Variants in DPYD observed in about 807,000 individuals in gnomAD.
DPYD encodes dihydropyrimidine dehydrogenase.
A neutral mutation model predicts 116.2 loss-of-function variants in DPYD; 109 were observed. That is an observed-to-expected ratio of 0.94 (90% CI 0.80 to 1.10). The LOEUF (loss-of-function observed/expected upper bound fraction) is 1.10, where lower values mean the gene tolerates loss of function less well. DPYD is among the 50% of genes least tolerant of loss of function. DPYD has a pLI of 0.00. For synonymous variants in DPYD, 440 were observed against 432.0 expected, an observed-to-expected ratio of 1.02 and a Z score of -0.23; for missense variants, 1,302 against 1,254.5, an observed-to-expected ratio of 1.04 and a Z score of -0.57.
intron 20 of DPYD, among the ~76,000 whole-genome samples, chr1:97,191,892 TATG>T (rs1436293204): frequency 1.3e-5 from 2 of 152,188 alleles, no homozygotes; most frequent in African/African-American, 4.8e-5. Context: ...AGAGTCAGTT[TATG>T]ATAATATGAT....
chr1:97,358,622 A>G (rs890518146), intron 16 of DPYD, among the ~76,000 whole-genome samples: 7 of 152,162 alleles, frequency 4.6e-5, no homozygotes, highest in Non-Finnish European at 5.9e-5. Context: ...ATCAGGTCGC[A>G]ATATTTGCTG....
intron 14 of DPYD, among the ~76,000 whole-genome samples, chr1:97,411,828 A>G (rs1674012504): frequency 6.6e-6 from 1 of 152,222 alleles, no homozygotes; most frequent in African/African-American, 2.4e-5. Flanking sequence ...ATAGACGTTA[A>G]ACAGCATAAT....
At chr1:97,607,374 T>C (rs1172479589) in intron 8 of DPYD, among the ~76,000 whole-genome samples, 1 of 151,818 alleles carries the variant, frequency 6.6e-6, no homozygotes, top group East Asian at 1.9e-4. Context: ...TACTGCACTG[T>C]GATTCAGTAT....
intron 3 of DPYD, among the ~76,000 whole-genome samples, chr1:97,749,108 C>T (rs1283639799): frequency 6.6e-6 from 1 of 152,192 alleles, no homozygotes; most frequent in African/African-American, 2.4e-5. Context: ...TATCTCCCTT[C>T]CCTTTCTCAA....
intron 10 of DPYD, among the ~76,000 whole-genome samples, chr1:97,590,184 T>G (rs1654408202): frequency 2.0e-5 from 3 of 152,142 alleles, no homozygotes; most frequent in Admixed American, 6.5e-5. Context: ...TGCCAAAAGT[T>G]CCCAGTCCTT....
At chr1:97,251,391 TAAAAA>T (rs10581072) in intron 18 of DPYD, among the ~76,000 whole-genome samples, 2 of 95,358 alleles carry the variant, frequency 2.1e-5, no homozygotes, top group African/African-American at 4.1e-5. Context: ...AAACTCTGTC[TAAAAA>T]AAAAAAAAAA....
intron 10 of DPYD, among the ~76,000 whole-genome samples, chr1:97,581,839 G>T (rs1463779592): frequency 1.3e-5 from 2 of 151,846 alleles, no homozygotes; most frequent in Non-Finnish European, 2.9e-5. Context: ...CACTGGAAAG[G>T]AATTAGTTAC....
chr1:97,415,299 AT>A (rs1016316314), intron 14 of DPYD, among the ~76,000 whole-genome samples: 4 of 152,256 alleles, frequency 2.6e-5, no homozygotes, highest in Admixed American at 6.5e-5. Flanking sequence ...CTTTTTCACA[AT>A]CTCCAGCCTC....
intron 10 of DPYD, among the ~76,000 whole-genome samples, chr1:97,574,805 T>C (rs964247436): frequency 5.9e-5 from 9 of 152,164 alleles, no homozygotes; most frequent in Non-Finnish European, 1.2e-4. Flanking sequence ...AAAAATGTCC[T>C]ACTGAAGTGT....
intron 8 of DPYD, among the ~76,000 whole-genome samples, chr1:97,664,186 A>G (rs1241649409): frequency 6.6e-6 from 1 of 152,120 alleles, no homozygotes; most frequent in African/African-American, 2.4e-5. Context: ...AATTTATTTT[A>G]TTACTACTTT....
chr1:97,191,972 C>T (rs530963883), intron 20 of DPYD, among the ~76,000 whole-genome samples: 2 of 152,236 alleles, frequency 1.3e-5, no homozygotes, highest in South Asian at 4.1e-4. Context: ...ATTAATGTCA[C>T]AGTCTTTCTG....
At chr1:97,735,591 G>A (rs1369264795) in intron 4 of DPYD, among the ~76,000 whole-genome samples, 2 of 151,110 alleles carry the variant, frequency 1.3e-5, no homozygotes, top group African/African-American at 2.4e-5. Context: ...TGGAGGCTGA[G>A]GCAGGAGAAT....
chr1:97,337,340 A>C (rs556277215), intron 16 of DPYD, among the ~76,000 whole-genome samples: 2 of 152,340 alleles, frequency 1.3e-5, no homozygotes, highest in South Asian at 4.1e-4. Context: ...AGCAGAAACA[A>C]ATATTCCCAG....
intron 19 of DPYD, among the ~76,000 whole-genome samples, chr1:97,233,842 T>A (rs1476309532): frequency 2.0e-5 from 3 of 152,214 alleles, no homozygotes; most frequent in African/African-American, 7.2e-5. Context: ...TTTAGCTGTA[T>A]ACAGTGGGAG....
chr1:97,322,929 G>T (rs1346856772), intron 16 of DPYD: 1 of 151,720 alleles, frequency 6.6e-6, no homozygotes, highest in Non-Finnish European at 1.5e-5. Flanking sequence ...TTGTTTTAAG[G>T]ATTAAAAACT....
At position 97,234,732 on chromosome 1, in the gene DPYD, T is replaced by A. The variant is rs932114652; in HGVS notation, c.2442+120A>T. The A allele has an allele frequency of 6.4e-6, 8 of 1,251,766 alleles. No individual in the cohort carries two copies. In the African/African-American group the frequency reaches 1.2e-4, roughly 19 times the overall value. 77.5% of individuals were successfully genotyped at this position (1,251,766 alleles called of 1,614,324 possible). A position where few individuals can be genotyped will look rare whatever the true frequency, so the allele number is the denominator to read the frequency against. ...AACTTAATACATGCTGCCATTTTGA[T>A]CCCAAATGGCCTCCTTTTCAAGAGG... On this transcript the variant is annotated intron_variant, in intron 19 of 22. Transcript: ENST00000370192.
At chr1:97,917,840 G>A (rs191762507) in intron 1 of DPYD, among the ~76,000 whole-genome samples, 87 of 152,240 alleles carry the variant, frequency 5.7e-4, no homozygotes, top group African/African-American at 2.0e-3. Context: ...TATCCTTGCC[G>A]GTGGAGGGGA....
chr1:97,303,125 C>T (rs1388202455), intron 18 of DPYD, among the ~76,000 whole-genome samples: 1 of 151,898 alleles, frequency 6.6e-6, no homozygotes, highest in Admixed American at 6.6e-5. Context: ...GAGCAGAAAT[C>T]TTATTCTGAG....
At chr1:97,823,951 G>A (rs1669100834) in intron 3 of DPYD, among the ~76,000 whole-genome samples, 1 of 146,968 alleles carries the variant, frequency 6.8e-6, no homozygotes, top group Non-Finnish European at 1.5e-5. Flanking sequence ...ACCATTTACT[G>A]GGTGATTGAA....
Sources: gnomAD v4.1 joint callset for allele counts (sites outside exome capture counted in the v4.1 genomes callset) on GRCh38, gnomAD v4.1.1 for gene constraint, MANE v1.5 for transcripts, NCBI Gene and HGNC (gene_info 2026-07-23, HGNC 2026-07-21) for gene names.